The following CTCF variants were observed in gnomAD, a reference collection of about 807,000 sequenced individuals.
CTCF encodes the protein transcriptional repressor CTCF.
In CTCF, 7 loss-of-function variants were observed where a neutral mutation model predicts 72.3. The observed-to-expected ratio is 0.10, with a 90% confidence interval of 0.06 to 0.18. The LOEUF (loss-of-function observed/expected upper bound fraction) is 0.18. Among genes scored for constraint, CTCF ranks in the 10% least tolerant of loss-of-function variants. The pLI, the probability that CTCF is intolerant of heterozygous loss-of-function variation, is 1.00. For synonymous variants in CTCF, 374 were observed against 315.8 expected, an observed-to-expected ratio of 1.18 and a Z score of -1.95; for missense variants, 516 against 949.1, an observed-to-expected ratio of 0.54 and a Z score of 6.00.
In CTCF at chr16:67,571,194, G is replaced by C. The variant is rs1473203023; in HGVS notation, c.-80G>C. ...AAAGAACAAGATGCGCTAGTGGACA[G>C]ATTGCTGACCAGGGGCTTGAGAGCT... is the stretch of plus-strand genomic sequence containing the variant. On this transcript the variant is annotated 5_prime_UTR_variant, in exon 2 of 12. Transcript: ENST00000264010. The C allele has an allele frequency of 6.6e-6, 1 of 152,608 alleles. No individual in the cohort carries two copies. Among genetic ancestry groups the C allele is most frequent in the Non-Finnish European group, 1.5e-5 (1 of 68,046 alleles). The allele number at this position is 152,608 out of a possible 1,614,324, so 9.5% of individuals were successfully genotyped here.
intron 2 of CTCF, among the ~76,000 whole-genome samples, chr16:67,607,883 G>A (rs1296744909): frequency 6.6e-6 from 1 of 151,504 alleles, no homozygotes; most frequent in Non-Finnish European, 1.5e-5. Flanking sequence ...GCCAGGTGTG[G>A]TGGTGGGCAC....
intron 8 of CTCF, chr16:67,627,922 CAAA>C (rs966649326): frequency 4.8e-4 from 22 of 45,542 alleles, no homozygotes; most frequent in South Asian, 2.0e-3. Context: ...GACTCCATCT[CAAA>C]AAAAAAAAAA....
chr16:67,618,031 G>A (rs2052155931), intron 5 of CTCF, among the ~76,000 whole-genome samples: 1 of 152,162 alleles, frequency 6.6e-6, no homozygotes, highest in Non-Finnish European at 1.5e-5. Context: ...TCTGTAGATG[G>A]GATGGGAGCT....
At chr16:67,574,634 G>A (rs907197993) in intron 2 of CTCF, among the ~76,000 whole-genome samples, 4 of 142,484 alleles carry the variant, frequency 2.8e-5, no homozygotes, top group Admixed American at 7.2e-5. Flanking sequence ...GAACCACCAC[G>A]CCCAGCCAAA....
chr16:67,589,419 A>G (rs1191123855), intron 2 of CTCF, among the ~76,000 whole-genome samples: 1 of 152,212 alleles, frequency 6.6e-6, no homozygotes, highest in Non-Finnish European at 1.5e-5. Flanking sequence ...TTTTTGTTAT[A>G]TACCGTTCAC....
chr16:67,636,357 G>GT (rs1269617469), intron 10 of CTCF, among the ~76,000 whole-genome samples: 1 of 150,288 alleles, frequency 6.7e-6, no homozygotes, highest in East Asian at 2.0e-4. Flanking sequence ...GGGCGACAGA[G>GT]TGAGACTCTG....
chr16:67,574,728 G>C (rs2051472208), intron 2 of CTCF, among the ~76,000 whole-genome samples: 1 of 126,798 alleles, frequency 7.9e-6, no homozygotes, highest in African/African-American at 3.0e-5. Flanking sequence ...GTGCAATCTT[G>C]GCTCACTGCA....
At chr16:67,566,983 C>T (rs547607678) in intron 1 of CTCF, among the ~76,000 whole-genome samples, 1 of 152,086 alleles carries the variant, frequency 6.6e-6, no homozygotes, top group Non-Finnish European at 1.5e-5. Context: ...TCAAATGATC[C>T]TGCCACCTCA....
At chr16:67,584,337 C>CTTCTTTTTTT (rs1462998203) in intron 2 of CTCF, among the ~76,000 whole-genome samples, 2,569 of 105,936 alleles carry the variant, frequency 0.024, 75 homozygotes, top group African/African-American at 0.038. Flanking sequence ...AAAAAGTCTT[C>CTTCTTTTTTT]TTTTTTTTTT....
chr16:67,571,932 C>T (rs1052015291), intron 2 of CTCF, among the ~76,000 whole-genome samples: 4 of 152,110 alleles, frequency 2.6e-5, no homozygotes, highest in East Asian at 1.9e-4. Context: ...ATCTCATAAA[C>T]AACAAAGTGG....
intron 8 of CTCF, 41 bp from the exon 9 acceptor site, chr16:67,628,329 C>T: frequency 6.3e-7 from 1 of 1,589,144 alleles, no homozygotes; most frequent in Non-Finnish European, 8.6e-7. Context: ...GCAGTAGCCC[C>T]ATGAGCAGGC....
intron 2 of CTCF, among the ~76,000 whole-genome samples, chr16:67,580,468 G>A (rs533194577): frequency 5.9e-5 from 9 of 152,130 alleles, no homozygotes; most frequent in Non-Finnish European, 7.4e-5. Flanking sequence ...GCCATCCAAG[G>A]TGTTGGGATT....
chr16:67,595,221 C>T (rs941704026), intron 2 of CTCF, among the ~76,000 whole-genome samples: 6 of 152,190 alleles, frequency 3.9e-5, no homozygotes, highest in Non-Finnish European at 8.8e-5. Context: ...CACCCTCCCC[C>T]ACCCTTCCTT....
In CTCF at chr16:67,621,436, T is replaced by A. The variant is rs2052197871; in HGVS notation, c.1208-6T>A. The A allele has an allele frequency of 6.3e-7, 1 of 1,585,754 alleles. No homozygotes were observed. Among genetic ancestry groups the A allele is most frequent in the Non-Finnish European group, 8.7e-7 (1 of 1,155,760 alleles). On this transcript the variant is annotated splice_region_variant and splice_polypyrimidine_tract_variant and intron_variant, in intron 6 of 11. Coordinates refer to ENST00000264010, the MANE Select transcript of CTCF (RefSeq NM_006565.4). The stretch of plus-strand genomic sequence containing the variant: ...TTTATGTGTTCATTCTGTATTTTCT[T>A]TAAAGGGGAAAAGCCTTATGAATGT...
intron 11 of CTCF, among the ~76,000 whole-genome samples, 195 bp from the exon 12 acceptor site, chr16:67,637,493 G>A (rs965031933): frequency 1.3e-5 from 2 of 152,028 alleles, no homozygotes; most frequent in Non-Finnish European, 2.9e-5. Context: ...GATCATGCCC[G>A]TGCACTCCAG....
intron 2 of CTCF, among the ~76,000 whole-genome samples, chr16:67,592,575 T>C (rs2051759513): frequency 1.3e-5 from 2 of 151,680 alleles, no homozygotes; most frequent in South Asian, 2.1e-4. Flanking sequence ...CATGGTGGCA[T>C]GCGCCTGTAG....
intron 6 of CTCF, 77 bp from the exon 7 acceptor site, chr16:67,621,365 C>T: frequency 9.3e-7 from 1 of 1,075,058 alleles, no homozygotes. Context: ...AGCATATCTG[C>T]CACCTGAGTT....
At chr16:67,626,511 G>T in intron 7 of CTCF, 44 bp from the exon 8 acceptor site, 9 of 1,155,158 alleles carry the variant, frequency 7.8e-6, no homozygotes, top group South Asian at 2.3e-5. Context: ...TAAAATGCTT[G>T]TTTGTGTTTT....
chr16:67,599,350 G>T (rs955916744), intron 2 of CTCF, among the ~76,000 whole-genome samples: 3 of 152,162 alleles, frequency 2.0e-5, no homozygotes, highest in African/African-American at 7.2e-5. Context: ...AGCCGAGGTC[G>T]TGCCACTGCG....
Sources: allele counts gnomAD v4.1 joint callset (sites outside exome capture counted in the v4.1 genomes callset), GRCh38; gene constraint gnomAD v4.1.1; transcripts MANE v1.5; gene names NCBI Gene and HGNC (gene_info 2026-07-23, HGNC 2026-07-21).